The following CNTNAP5 variants were observed in gnomAD, a reference collection of about 807,000 sequenced individuals.
The protein encoded by CNTNAP5 is contactin-associated protein-like 5.
A neutral mutation model predicts 150.2 loss-of-function variants in CNTNAP5; 72 were observed. The observed-to-expected ratio is 0.48, with a 90% CI of 0.40 to 0.58. The LOEUF is 0.58. CNTNAP5 is among the 20% of genes least tolerant of loss of function. CNTNAP5 has a pLI of 0.00. For missense variants in CNTNAP5, 1,636 were observed against 1,626.2 expected (o/e 1.01, Z -0.10); for synonymous variants, 672 against 619.8 (o/e 1.08, Z -1.25).
intron 1 of CNTNAP5, among the ~76,000 whole-genome samples, chr2:124,140,012 CAAAG>C (rs1042147612): frequency 9.2e-5 from 14 of 152,106 alleles, no homozygotes; most frequent in African/African-American, 3.4e-4. Flanking sequence ...CTTTCCGAGT[CAAAG>C]AAAGGGGTGA....
intron 12 of CNTNAP5, among the ~76,000 whole-genome samples, chr2:124,639,144 G>A (rs960087546): frequency 1.3e-5 from 2 of 152,134 alleles, no homozygotes; most frequent in South Asian, 2.1e-4. Context: ...TTAGAGACAC[G>A]GAGATTTCTG....
intron 7 of CNTNAP5, among the ~76,000 whole-genome samples, chr2:124,487,984 A>G (rs1315497596): frequency 2.2e-4 from 33 of 152,168 alleles, no homozygotes; most frequent in Non-Finnish European, 1.9e-4. Context: ...ACTGCTCTGG[A>G]AAAGTACAAG....
intron 3 of CNTNAP5, among the ~76,000 whole-genome samples, chr2:124,285,234 G>C (rs562033619): frequency 6.6e-6 from 1 of 152,250 alleles, no homozygotes; most frequent in African/African-American, 2.4e-5. Context: ...AGTTTTGCAT[G>C]AGTTCCCTGG....
In CNTNAP5 at chr2:124,612,610, A is replaced by T. The variant is rs557103298; in HGVS notation, c.1876+2690A>T. Among the ~76,000 whole-genome samples, 10 of 152,240 alleles carry T rather than the reference A, an allele frequency of 6.6e-5. 1 individual carries two copies. The South Asian group carries it at 2.1e-3, about 32-fold the overall frequency. ...TAAAGGTTACTGTTTTGCTGATATG[A>T]TCCTGAAGAAATCAGAGCCTCTGAA... On this transcript the variant is annotated intron_variant, in intron 12 of 23. Coordinates refer to ENST00000682447, the MANE Select transcript of CNTNAP5 (RefSeq NM_001367498.1).
intron 13 of CNTNAP5, among the ~76,000 whole-genome samples, chr2:124,711,492 AT>A (rs777848558): frequency 6.6e-6 from 1 of 152,042 alleles, no homozygotes; most frequent in African/African-American, 2.4e-5. Context: ...TTTGTACTAA[AT>A]GTAACAGTGA....
intron 7 of CNTNAP5, among the ~76,000 whole-genome samples, chr2:124,501,563 T>C (rs1177360522): frequency 6.6e-6 from 1 of 152,230 alleles, no homozygotes; most frequent in African/African-American, 2.4e-5. Context: ...AAATGCCGTC[T>C]TGAGACAGAT....
chr2:124,165,892 C>T (rs757566832), intron 1 of CNTNAP5, among the ~76,000 whole-genome samples: 2 of 152,114 alleles, frequency 1.3e-5, no homozygotes, highest in African/African-American at 4.8e-5. Context: ...GCGCAGTGAC[C>T]GGCTCTCTCC....
intron 1 of CNTNAP5, among the ~76,000 whole-genome samples, chr2:124,095,710 A>G (rs1007750199): frequency 2.3e-4 from 35 of 152,084 alleles, no homozygotes; most frequent in Admixed American, 2.0e-3. Context: ...GGTCAGTGTC[A>G]TATTTCTAGG....
intron 12 of CNTNAP5, among the ~76,000 whole-genome samples, chr2:124,638,213 G>GATATATATGAGATATATATA (rs1191795876): frequency 9.4e-5 from 4 of 42,712 alleles, no homozygotes; most frequent in African/African-American, 2.1e-4. Flanking sequence ...ACATATATAT[G>GATATATATGAGATATATATA]ATACATATAT....
chr2:124,912,100 G>T (rs1678669726), intron 23 of CNTNAP5, among the ~76,000 whole-genome samples: 1 of 151,956 alleles, frequency 6.6e-6, no homozygotes, highest in Admixed American at 6.6e-5. Context: ...TTGCCTGTTG[G>T]CCTCCCCACT....
At chr2:124,383,012 C>T (rs1352951771) in intron 3 of CNTNAP5, among the ~76,000 whole-genome samples, 3 of 152,054 alleles carry the variant, frequency 2.0e-5, no homozygotes, top group Non-Finnish European at 2.9e-5. Context: ...TCCTACAAAC[C>T]CGCTGCGAAG....
In CNTNAP5 at chr2:124,892,582, T is replaced by C. The variant is rs201995701; in HGVS notation, c.3437-10300T>C. 2.0e-4 allele frequency among the ~76,000 whole-genome samples: 30 copies of C among 152,266 alleles called. No homozygotes were observed. The East Asian group carries it at 4.1e-3, about 21-fold the overall frequency. Reference sequence around the variant, plus strand: ...AGAGAAGGGACCGTTCTCTTTAAACTGAGCTGGGCGGGAGGTTTTCTGCAG... The same window carrying C: ...AGAGAAGGGACCGTTCTCTTTAAACCGAGCTGGGCGGGAGGTTTTCTGCAG... On this transcript the variant is annotated intron_variant, in intron 21 of 23. Coordinates refer to ENST00000682447, the MANE Select transcript of CNTNAP5 (RefSeq NM_001367498.1).
At chr2:124,860,468 C>CTTCT (rs1677495608) in intron 19 of CNTNAP5, among the ~76,000 whole-genome samples, 1 of 79,500 alleles carries the variant, frequency 1.3e-5, no homozygotes, top group African/African-American at 6.5e-5. Context: ...TCCTTCCTTC[C>CTTCT]TTCCTTCCTT....
At chr2:124,571,828 A>G (rs1156279484) in intron 11 of CNTNAP5, among the ~76,000 whole-genome samples, 2 of 151,958 alleles carry the variant, frequency 1.3e-5, no homozygotes, top group Non-Finnish European at 2.9e-5. Flanking sequence ...CTCTTTCATC[A>G]TAATGATTGG....
intron 19 of CNTNAP5, among the ~76,000 whole-genome samples, chr2:124,830,332 A>G (rs1682686708): frequency 6.6e-6 from 1 of 152,080 alleles, no homozygotes; most frequent in South Asian, 2.1e-4. Flanking sequence ...CAGTTTTCCT[A>G]GTTAATCAAA....
chr2:124,805,602 C>T (rs1030644196), intron 19 of CNTNAP5, among the ~76,000 whole-genome samples: 1 of 152,180 alleles, frequency 6.6e-6, no homozygotes, highest in African/African-American at 2.4e-5. Flanking sequence ...ATAAAGCCAA[C>T]AAATATGTCA....
intron 1 of CNTNAP5, among the ~76,000 whole-genome samples, chr2:124,128,618 T>C (rs1388361670): frequency 6.6e-6 from 1 of 152,146 alleles, no homozygotes; most frequent in African/African-American, 2.4e-5. Context: ...ACACGTATGT[T>C]TATTGCGGCA....
intron 13 of CNTNAP5, among the ~76,000 whole-genome samples, chr2:124,695,231 T>C (rs1679381713): frequency 6.6e-6 from 1 of 152,202 alleles, no homozygotes; most frequent in Non-Finnish European, 1.5e-5. Context: ...AAGGTGGACC[T>C]GAGCAGAAGT....
intron 1 of CNTNAP5, among the ~76,000 whole-genome samples, chr2:124,094,427 A>G (rs981321099): frequency 6.6e-6 from 1 of 152,224 alleles, no homozygotes; most frequent in East Asian, 1.9e-4. Flanking sequence ...GGTGAACTGC[A>G]TAAGGGTCTC....
Sources: allele counts gnomAD v4.1 joint callset (sites outside exome capture counted in the v4.1 genomes callset), GRCh38; gene constraint gnomAD v4.1.1; transcripts MANE v1.5; gene names NCBI Gene and HGNC (gene_info 2026-07-23, HGNC 2026-07-21).